Variants in GPHN observed in about 807,000 individuals in gnomAD.
The protein encoded by GPHN is gephyrin.
In GPHN, 17 loss-of-function variants were observed where a neutral mutation model predicts 95.5. That is an observed-to-expected ratio of 0.18 (90% CI 0.12 to 0.27). The LOEUF (loss-of-function observed/expected upper bound fraction) is 0.27. Among genes scored for constraint, GPHN ranks in the 10% least tolerant of loss-of-function variants. GPHN has a pLI of 1.00. For synonymous variants in GPHN, 320 were observed against 322.5 expected, an observed-to-expected ratio of 0.99 and a Z score of 0.08; for missense variants, 660 against 978.1, an observed-to-expected ratio of 0.67 and a Z score of 4.34.
chr14:66,734,437 T>G (rs1052637914), intron 2 of GPHN, among the ~76,000 whole-genome samples: 12 of 152,172 alleles, frequency 7.9e-5, no homozygotes, highest in African/African-American at 2.9e-4. Context: ...TTTTCTCCAG[T>G]TTTTTACTTA....
the GPHN span, among the ~76,000 whole-genome samples, chr14:67,495,511 T>TCACTCTTGTTGCCCAGGCTGGAGTGC: frequency 6.6e-6 from 1 of 152,040 alleles, no homozygotes; most frequent in Non-Finnish European, 1.5e-5. Context: ...AGATGGAGTT[T>TCACTCTTGTTGCCCAGGCTGGAGTGC]CACTCTTGTT....
At chr14:67,589,589 C>T in the GPHN span, 2 of 985,536 alleles carry the variant, frequency 2.0e-6, no homozygotes, top group Non-Finnish European at 2.4e-6. Flanking sequence ...AAGCCCTGTA[C>T]AGAACACAGG....
At chr14:67,675,063 G>T in the GPHN span, among the ~76,000 whole-genome samples, 1 of 152,212 alleles carries the variant, frequency 6.6e-6, no homozygotes, top group African/African-American at 2.4e-5. Flanking sequence ...CACTGTCATC[G>T]CGCTTTGCTT....
intron 9 of GPHN, among the ~76,000 whole-genome samples, chr14:66,995,824 T>C (rs778254261): frequency 6.6e-6 from 1 of 152,160 alleles, no homozygotes. Context: ...CAACCTCCCA[T>C]GTAGTTCACT....
intron 5 of GPHN, among the ~76,000 whole-genome samples, chr14:66,890,493 A>G (rs2064425766): frequency 6.6e-6 from 1 of 152,118 alleles, no homozygotes. Context: ...GAATTCTACC[A>G]AGTATTTCAA....
chr14:67,533,824 C>T, the GPHN span: 1 of 152,120 alleles, frequency 6.6e-6, no homozygotes, highest in African/African-American at 2.4e-5. Flanking sequence ...TCAGGCTCGA[C>T]TCCTAGGAGC....
the GPHN span, chr14:67,616,665 G>A: frequency 1.3e-5 from 2 of 150,002 alleles, no homozygotes; most frequent in East Asian, 3.9e-4. Flanking sequence ...CTAAATGCTT[G>A]GGATCAGGAG....
At chr14:66,527,400 C>CA (rs55952354) in intron 1 of GPHN, among the ~76,000 whole-genome samples, 19,945 of 128,306 alleles carry the variant, frequency 0.16, 2,160 homozygotes, top group African/African-American at 0.33. Context: ...TTGATCTTTT[C>CA]AAAAAAAAAA....
the GPHN span, among the ~76,000 whole-genome samples, chr14:67,532,267 G>A: frequency 2.6e-5 from 4 of 152,176 alleles, no homozygotes; most frequent in Non-Finnish European, 5.9e-5. Flanking sequence ...TGCCTGGGAT[G>A]AGTCTTCCAA....
chr14:66,590,289 C>T (rs548635598), intron 1 of GPHN, among the ~76,000 whole-genome samples: 73 of 152,052 alleles, frequency 4.8e-4, no homozygotes, highest in Non-Finnish European at 9.7e-4. Context: ...CAAACAAATT[C>T]GAAAGCTAGC....
intron 1 of GPHN, among the ~76,000 whole-genome samples, chr14:66,545,603 G>A (rs1313380147): frequency 1.1e-4 from 13 of 117,602 alleles, no homozygotes; most frequent in Non-Finnish European, 1.5e-4. Flanking sequence ...CTGGCCGGGC[G>A]GGGGGCTGAC....
chr14:67,206,353 C>T, the GPHN span, among the ~76,000 whole-genome samples: 4 of 151,554 alleles, frequency 2.6e-5, no homozygotes, highest in Admixed American at 6.6e-5. Context: ...AAAAATTAGC[C>T]GGTGTGGTAG....
chr14:67,005,026 C>G (rs1299387189), intron 9 of GPHN, among the ~76,000 whole-genome samples: 1 of 150,568 alleles, frequency 6.6e-6, no homozygotes, highest in Non-Finnish European at 1.5e-5. Context: ...CCTCAGGAAG[C>G]ATTATAGGTC....
chr14:67,472,957 C>T, the GPHN span: 1 of 182,002 alleles, frequency 5.5e-6, no homozygotes, highest in African/African-American at 2.4e-5. Context: ...TCAGCAGGCC[C>T]CTGGGGAGGT....
At chr14:66,947,997 C>T (rs1298761676) in intron 8 of GPHN, among the ~76,000 whole-genome samples, 1 of 152,148 alleles carries the variant, frequency 6.6e-6, no homozygotes, top group Admixed American at 6.5e-5. Flanking sequence ...GACAAGTAGT[C>T]ACCATATTCT....
intron 2 of GPHN, among the ~76,000 whole-genome samples, chr14:66,719,033 A>G (rs898777462): frequency 7.2e-5 from 11 of 152,166 alleles, no homozygotes; most frequent in Non-Finnish European, 1.6e-4. Context: ...CGCAATCCAC[A>G]GGGGTGGTCT....
chr14:67,586,263 T>C, the GPHN span: 2 of 1,087,978 alleles, frequency 1.8e-6, no homozygotes, highest in Non-Finnish European at 2.8e-6. Context: ...GTGTTGCATC[T>C]CCGTATCAAT....
intron 11 of GPHN, among the ~76,000 whole-genome samples, chr14:67,083,154 C>T (rs1420015579): frequency 6.6e-6 from 1 of 152,174 alleles, no homozygotes. Context: ...TGAGGAACCA[C>T]ACACACCAAC....
the GPHN span, among the ~76,000 whole-genome samples, chr14:67,247,420 A>T: frequency 6.6e-6 from 1 of 151,580 alleles, no homozygotes; most frequent in South Asian, 2.1e-4. Flanking sequence ...TATTTTAGTA[A>T]TTTTTTTTGG....
Sources: gnomAD v4.1 joint callset for allele counts (sites outside exome capture counted in the v4.1 genomes callset) on GRCh38, gnomAD v4.1.1 for gene constraint, MANE v1.5 for transcripts, NCBI Gene and HGNC (gene_info 2026-07-23, HGNC 2026-07-21) for gene names.